Variants in NINL observed in about 807,000 individuals in gnomAD.
NINL encodes ninein-like protein.
A neutral mutation model predicts 160.3 loss-of-function variants in NINL; 153 were observed. The ratio of observed to expected loss-of-function variants is 0.95; its 90% confidence interval spans 0.84 to 1.09. NINL has a LOEUF of 1.09. NINL is among the 50% of genes least tolerant of loss of function. The pLI, the probability that NINL is intolerant of heterozygous loss-of-function variation, is 0.00. For synonymous variants in NINL, 800 were observed against 734.8 expected, an observed-to-expected ratio of 1.09 and a Z score of -1.43; for missense variants, 1,829 against 1,764.0, an observed-to-expected ratio of 1.04 and a Z score of -0.66.
chr20:25,551,584 G>A (rs1433263514), intron 1 of NINL, among the ~76,000 whole-genome samples: 2 of 152,128 alleles, frequency 1.3e-5, no homozygotes, highest in Admixed American at 1.3e-4. Flanking sequence ...CTTTTCCAAA[G>A]AGGATGTGGG....
At chr20:25,467,839 C>T (rs2062957211) in intron 18 of NINL, among the ~76,000 whole-genome samples, 1 of 152,082 alleles carries the variant, frequency 6.6e-6, no homozygotes, top group African/African-American at 2.4e-5. Context: ...GAATAGAGAC[C>T]GAAACAGCCT....
chr20:25,554,373 T>C (rs990387786), intron 1 of NINL, among the ~76,000 whole-genome samples: 1 of 151,976 alleles, frequency 6.6e-6, no homozygotes, highest in Admixed American at 6.6e-5. Context: ...TCTGGATGGA[T>C]AAAAATGAAC....
intron 1 of NINL, among the ~76,000 whole-genome samples, chr20:25,568,114 A>G (rs928608435): frequency 5.9e-5 from 9 of 152,174 alleles, no homozygotes; most frequent in African/African-American, 1.9e-4. Context: ...AGTAATAGAA[A>G]AAAAATCAGT....
intron 1 of NINL, among the ~76,000 whole-genome samples, chr20:25,539,291 C>A (rs2064618298): frequency 6.6e-6 from 1 of 152,232 alleles, no homozygotes; most frequent in Admixed American, 6.5e-5. Context: ...GCAAAGACAA[C>A]CCTGGATAAA....
chr20:25,464,081 C>T (rs188218286), intron 19 of NINL, among the ~76,000 whole-genome samples: 1 of 152,314 alleles, frequency 6.6e-6, no homozygotes, highest in African/African-American at 2.4e-5. Flanking sequence ...TTGAGATAAA[C>T]ACAATAGTGG....
At chr20:25,533,014 G>A (rs1468275774) in intron 1 of NINL, among the ~76,000 whole-genome samples, 2 of 152,124 alleles carry the variant, frequency 1.3e-5, no homozygotes, top group African/African-American at 2.4e-5. Flanking sequence ...CTGGAAAGCG[G>A]CCCGGCTCAG....
chr20:25,580,167 T>C (rs1367999734), intron 1 of NINL, among the ~76,000 whole-genome samples: 3 of 152,128 alleles, frequency 2.0e-5, no homozygotes, highest in Non-Finnish European at 4.4e-5. Flanking sequence ...ACCCCGTCTC[T>C]ACTAAAAAAT....
chr20:25,555,134 T>C (rs932575232), intron 1 of NINL, among the ~76,000 whole-genome samples: 4 of 152,174 alleles, frequency 2.6e-5, no homozygotes, highest in Non-Finnish European at 5.9e-5. Context: ...TCCTAGGGAA[T>C]AATCTTCCTC....
chr20:25,474,506 G>C (rs956874987), intron 17 of NINL, among the ~76,000 whole-genome samples: 3 of 152,218 alleles, frequency 2.0e-5, no homozygotes, highest in Non-Finnish European at 4.4e-5. Context: ...TTAATGGCTA[G>C]ATGTGCGTTC....
chr20:25,517,834 A>T lies in NINL; in HGVS notation c.196T>A (p.Phe66Ile). Reference sequence around the variant, plus strand: ...AACACAGCCACAAAACCTTCCTTAAATTCCTCAAAGTTAACCTGGGTGAAT... The same window carrying T: ...AACACAGCCACAAAACCTTCCTTAATTTCCTCAAAGTTAACCTGGGTGAAT... ...DHFARVNFEE[F>I]KEGFVAVLSS... The change falls in exon 3 of 24, where the codon TTT (phenylalanine) becomes ATT (isoleucine). Residue 66 changes from phenylalanine (F) to isoleucine (I), a missense_variant. By Grantham distance (21) the Phe-to-Ile change is conservative (BLOSUM62 0). Transcript: ENST00000278886. 6.2e-7 allele frequency: 1 copy of T among 1,607,028 alleles called. No individual in the cohort carries two copies. The highest frequency in any genetic ancestry group is 1.3e-5 in the African/African-American group (1 of 74,552).
chr20:25,515,192 G>T (rs761982298), intron 3 of NINL, among the ~76,000 whole-genome samples: 13 of 152,226 alleles, frequency 8.5e-5, no homozygotes, highest in Non-Finnish European at 1.5e-4. Flanking sequence ...AGAGACACAG[G>T]ATGGGAGCCC....
intron 1 of NINL, among the ~76,000 whole-genome samples, chr20:25,566,475 C>T (rs2065000915): frequency 1.3e-5 from 2 of 151,262 alleles, no homozygotes; most frequent in Admixed American, 6.6e-5. Context: ...TCAGATCTGA[C>T]AAAGATTTTG....
chr20:25,474,660 G>C lies in NINL; in HGVS notation c.3248+1383C>G, dbSNP rs544258377. On this transcript the variant is annotated intron_variant, in intron 17 of 23. Transcript: ENST00000278886. ...GAATCTTGCTCTGTCACCCAGGCTGGAGTGCAGTGAGTGGTGTGATCTCGG... is the reference window on the plus strand; with the variant it reads ...GAATCTTGCTCTGTCACCCAGGCTGCAGTGCAGTGAGTGGTGTGATCTCGG... 2.0e-5 allele frequency among the ~76,000 whole-genome samples: 3 copies of C among 152,140 alleles called. No individual in the cohort carries two copies. In the East Asian group the frequency reaches 5.8e-4, roughly 29 times the overall value.
chr20:25,543,456 T>G (rs1276165573), intron 1 of NINL, among the ~76,000 whole-genome samples: 1 of 152,112 alleles, frequency 6.6e-6, no homozygotes, highest in African/African-American at 2.4e-5. Flanking sequence ...GAGACTGAGG[T>G]AGGAGTGAGG....
chr20:25,572,054 A>C (rs1002109556), intron 1 of NINL, among the ~76,000 whole-genome samples: 4 of 152,120 alleles, frequency 2.6e-5, no homozygotes, highest in African/African-American at 9.7e-5. Flanking sequence ...GAAGCCTAGC[A>C]CACACAGCTT....
chr20:25,500,747 G>T, intron 8 of NINL, 93 bp downstream of exon 8: 1 of 1,403,226 alleles, frequency 7.1e-7, no homozygotes, highest in African/African-American at 1.4e-5. Context: ...CCCCTGCTGG[G>T]TCCCCTGGCT....
intron 1 of NINL, among the ~76,000 whole-genome samples, chr20:25,571,152 T>C (rs1396125060): frequency 6.6e-6 from 1 of 152,168 alleles, no homozygotes; most frequent in Non-Finnish European, 1.5e-5. Context: ...GACTATGATG[T>C]CTTTACTCCT....
chr20:25,585,008 G>A (rs2065212387), intron 1 of NINL, among the ~76,000 whole-genome samples: 3 of 152,170 alleles, frequency 2.0e-5, no homozygotes, highest in African/African-American at 7.2e-5. Context: ...ACTGGCAGGA[G>A]GGAATCCTGG....
intron 1 of NINL, among the ~76,000 whole-genome samples, chr20:25,573,775 A>G (rs1287805816): frequency 6.6e-6 from 1 of 152,236 alleles, no homozygotes; most frequent in African/African-American, 2.4e-5. Flanking sequence ...AGTCAACTAA[A>G]AAGACTTTGC....
Sources: gnomAD v4.1 joint callset for allele counts (sites outside exome capture counted in the v4.1 genomes callset) on GRCh38, gnomAD v4.1.1 for gene constraint, MANE v1.5 for transcripts, NCBI Gene and HGNC (gene_info 2026-07-23, HGNC 2026-07-21) for gene names.